Variants in CACNA2D1 observed in about 807,000 individuals in gnomAD.
CACNA2D1 encodes the protein calcium voltage-gated channel auxiliary subunit alpha2delta 1, also known as voltage-dependent calcium channel subunit alpha-2/delta-1.
In CACNA2D1, 53 loss-of-function variants were observed where a neutral mutation model predicts 171.5. The ratio of observed to expected loss-of-function variants is 0.31; its 90% confidence interval spans 0.25 to 0.39. CACNA2D1 has a LOEUF of 0.39. Among genes scored for constraint, CACNA2D1 ranks in the 10% least tolerant of loss-of-function variants. CACNA2D1 has a pLI of 1.00. For missense variants in CACNA2D1, 903 were observed against 1,299.8 expected (o/e 0.69, Z 4.69); for synonymous variants, 442 against 443.1 (o/e 1.00, Z 0.03).
chr7:82,069,723 T>A (rs927421231), intron 7 of CACNA2D1, among the ~76,000 whole-genome samples: 5 of 151,422 alleles, frequency 3.3e-5, no homozygotes, highest in Non-Finnish European at 7.4e-5. Context: ...CTTTTTTTTT[T>A]ATTTCAGCTG....
At chr7:82,066,676 T>C in intron 7 of CACNA2D1, 152 bp from the exon 8 acceptor site, 1 of 1,217,112 alleles carries the variant, frequency 8.2e-7, no homozygotes, top group South Asian at 1.6e-5. Flanking sequence ...TAAGCCCTTA[T>C]ATTGCTTTAA....
intron 1 of CACNA2D1, among the ~76,000 whole-genome samples, chr7:82,389,965 A>T (rs1824907065): frequency 6.6e-6 from 1 of 152,332 alleles, no homozygotes; most frequent in South Asian, 2.1e-4. Context: ...TTAAAATTGC[A>T]TATGCAACAT....
At chr7:82,381,035 G>A (rs558828352) in intron 1 of CACNA2D1, among the ~76,000 whole-genome samples, 2 of 151,808 alleles carry the variant, frequency 1.3e-5, no homozygotes, top group South Asian at 2.1e-4. Flanking sequence ...CTTGACGGCC[G>A]GGTGTGGTGG....
rs545282203 is a variant in CACNA2D1, at chr7:82,152,193, T to C, written c.355-15517A>G. On this transcript the variant is annotated intron_variant, in intron 4 of 38. Transcript: ENST00000356860. Reference sequence around the variant, plus strand: ...AATATGCCTTCCATTTACCATCATGTAAATGATATGAAAACCACATTTATA... The same window carrying C: ...AATATGCCTTCCATTTACCATCATGCAAATGATATGAAAACCACATTTATA... Among the ~76,000 whole-genome samples the C allele has an allele frequency of 2.0e-3, 309 of 152,098 alleles. 3 individuals carry two copies. The highest frequency in any genetic ancestry group is 6.9e-3 in the African/African-American group (285 of 41,546).
Position 81,961,992 on chromosome 7 carries a change from G to A in CACNA2D1, c.2868C>T (p.Ser956=). ...VEMEDDDFTA[S]LSKQSCITEQ... ...CAGTAATGCAGCTCTGCTTGGACAGGGAGGCCGTGAAGTCATCATCCTCCA... is the reference window on the plus strand; with the variant it reads ...CAGTAATGCAGCTCTGCTTGGACAGAGAGGCCGTGAAGTCATCATCCTCCA... Residue 956 remains serine (S), a synonymous_variant, in exon 36 of 39, where the codon TCC becomes TCT. Coordinates refer to ENST00000356860, the MANE Select transcript of CACNA2D1 (RefSeq NM_000722.4). 2 of 1,612,448 alleles carry A rather than the reference G, an allele frequency of 1.2e-6. No individual in the cohort carries two copies. The highest frequency in any genetic ancestry group is 1.7e-6 in the Non-Finnish European group (2 of 1,179,066).
At chr7:82,180,113 G>A (rs755548327) in intron 3 of CACNA2D1, among the ~76,000 whole-genome samples, 4 of 152,100 alleles carry the variant, frequency 2.6e-5, no homozygotes, top group Non-Finnish European at 5.9e-5. Flanking sequence ...ATGAACAGAG[G>A]CAAAGAGAGA....
At position 82,291,501 on chromosome 7, in the gene CACNA2D1, TATAG is replaced by T. The variant is rs1811588440; in HGVS notation, c.294+43630_294+43633del. ...AAAATATATTATATATATTTTTATA[TATAG>T]ATAGATCTATATATAGATAGATCTA... On this transcript the variant is annotated intron_variant, in intron 3 of 38. Transcript: ENST00000356860. Among the ~76,000 whole-genome samples the T allele has an allele frequency of 2.2e-5, 3 of 137,262 alleles. No individual in the cohort carries two copies. In the South Asian group the frequency reaches 6.5e-4, roughly 30 times the overall value. 90.0% of individuals were successfully genotyped at this position (137,262 alleles called of 152,430 possible).
intron 1 of CACNA2D1, among the ~76,000 whole-genome samples, chr7:82,380,229 A>G (rs1344720310): frequency 2.0e-5 from 3 of 152,226 alleles, no homozygotes; most frequent in South Asian, 2.1e-4. Flanking sequence ...AAGTAGGAAA[A>G]TTAGTTTTGT....
intron 3 of CACNA2D1, among the ~76,000 whole-genome samples, chr7:82,206,873 T>C (rs950207986): frequency 3.9e-5 from 6 of 152,208 alleles, no homozygotes; most frequent in African/African-American, 1.4e-4. Context: ...TTAACCATCC[T>C]ATATATAATA....
At chr7:82,009,202 C>T (rs191736905) in intron 15 of CACNA2D1, 8 of 152,182 alleles carry the variant, frequency 5.3e-5, no homozygotes, top group Non-Finnish European at 1.2e-4. Flanking sequence ...TGCTGCCTGG[C>T]GAAGAGATGC....
chr7:82,174,641 A>C (rs1796377180), intron 3 of CACNA2D1, among the ~76,000 whole-genome samples: 1 of 152,128 alleles, frequency 6.6e-6, no homozygotes. Flanking sequence ...AGTAATATCA[A>C]AACCAAAACA....
At chr7:81,952,766 C>G (rs1162276305) in intron 38 of CACNA2D1, among the ~76,000 whole-genome samples, 1 of 152,030 alleles carries the variant, frequency 6.6e-6, no homozygotes, top group East Asian at 1.9e-4. Flanking sequence ...ATCCCCAGTC[C>G]TATGGCTTTA....
chr7:82,168,181 C>T (rs920068706), intron 4 of CACNA2D1, among the ~76,000 whole-genome samples: 5 of 151,984 alleles, frequency 3.3e-5, no homozygotes, highest in African/African-American at 1.2e-4. Context: ...CTCTCTGTTG[C>T]CCAGGCTGGA....
chr7:82,005,733 A>C, intron 17 of CACNA2D1, 32 bp downstream of exon 17: 1 of 1,387,138 alleles, frequency 7.2e-7, no homozygotes, highest in East Asian at 2.3e-5. Context: ...TCTAAACTAG[A>C]AAGGGTATCA....
chr7:82,108,384 A>T (rs258685), intron 6 of CACNA2D1, among the ~76,000 whole-genome samples: 1 of 151,862 alleles, frequency 6.6e-6, no homozygotes, highest in Non-Finnish European at 1.5e-5. Context: ...ATTCCTCTTC[A>T]TCGTAGAAGG....
At chr7:82,125,790 A>T (rs1317281160) in intron 5 of CACNA2D1, among the ~76,000 whole-genome samples, 2 of 152,188 alleles carry the variant, frequency 1.3e-5, no homozygotes, top group East Asian at 1.9e-4. Flanking sequence ...TTGCATTTTT[A>T]AAATGTGTTT....
At chr7:81,960,943 T>A (rs1794041793) in intron 36 of CACNA2D1, among the ~76,000 whole-genome samples, 1 of 151,966 alleles carries the variant, frequency 6.6e-6, no homozygotes, top group Non-Finnish European at 1.5e-5. Flanking sequence ...TACCTCCTCC[T>A]TGGAGATAGA....
chr7:81,971,735 A>G (rs1234320396), intron 26 of CACNA2D1, 42 bp downstream of exon 26: 1 of 1,096,558 alleles, frequency 9.1e-7, no homozygotes, highest in Non-Finnish European at 1.4e-6. Flanking sequence ...ACTAAATTGA[A>G]ATGCAGAATA....
intron 21 of CACNA2D1, among the ~76,000 whole-genome samples, chr7:81,986,032 C>T (rs1796930588): frequency 6.6e-6 from 1 of 152,172 alleles, no homozygotes; most frequent in African/African-American, 2.4e-5. Context: ...GAATTTTATG[C>T]ACTTTCCAAT....
Sources: gnomAD v4.1 joint callset for allele counts (sites outside exome capture counted in the v4.1 genomes callset) on GRCh38, gnomAD v4.1.1 for gene constraint, MANE v1.5 for transcripts, NCBI Gene and HGNC (gene_info 2026-07-23, HGNC 2026-07-21) for gene names.